The following TONSL variants were observed in gnomAD, a reference collection of about 807,000 sequenced individuals.
The protein encoded by TONSL is tonsoku-like protein.
In TONSL, 112 loss-of-function variants were observed where a neutral mutation model predicts 147.1. That is an observed-to-expected ratio of 0.76 (90% confidence interval 0.65 to 0.89). The LOEUF is 0.89. TONSL is among the 40% of genes least tolerant of loss of function. The probability of loss-of-function intolerance (pLI) is 0.00; values close to 1 mark genes in which losing one functional copy is unlikely to be tolerated. For missense variants in TONSL, 1,883 were observed against 1,864.6 expected (o/e 1.01, Z -0.18); for synonymous variants, 868 against 801.5 (o/e 1.08, Z -1.40).
rs1554878062 is a variant in TONSL, at chr8:144,429,258, C to T, written c.4022G>A (p.Ser1341Asn). Residue 1341 changes from serine (S) to asparagine (N), a missense_variant, in exon 26 of 26, where the codon AGC becomes AAC. Coordinates refer to ENST00000409379, the MANE Select transcript of TONSL (RefSeq NM_013432.5). ...AAQLRELQLC[S>N]RRLCAEDRDA... ...CCTGTCCTCAGCGCAGAGGCGTCTG[C>T]TGCACAGCTGCAGTTCCCGGAGCTG... is the stretch of plus-strand genomic sequence containing the variant. 14 of 1,523,372 alleles carry T rather than the reference C, an allele frequency of 9.2e-6. No homozygotes were observed. Among genetic ancestry groups the T allele is most frequent in the Non-Finnish European group, 1.2e-5 (14 of 1,135,262 alleles). 94.4% of individuals were successfully genotyped at this position (1,523,372 alleles called of 1,614,324 possible).
At chr8:144,433,430 G>A (rs2130842668) in intron 22 of TONSL, 158 bp downstream of exon 22, 1 of 737,890 alleles carries the variant, frequency 1.4e-6, no homozygotes, top group South Asian at 1.8e-5. Context: ...GGCTTTCCTG[G>A]AACTCTTGGC....
In TONSL at chr8:144,434,221, G is replaced by A. The variant is rs569596561; in HGVS notation, c.3144C>T (p.Ser1048=). 159 of 1,556,168 alleles carry A rather than the reference G, an allele frequency of 1.0e-4. No homozygotes were observed. The highest frequency in any genetic ancestry group is 1.3e-4 in the Non-Finnish European group (148 of 1,148,624). Reference sequence around the variant, plus strand: ...CCTGGTCCAGGGCCAGGGAGCAGGCGCTGAACGAGAGGCCCAAGCCCTGGA... The same window carrying A: ...CCTGGTCCAGGGCCAGGGAGCAGGCACTGAACGAGAGGCCCAAGCCCTGGA... ...VELQGLGLSF[S]ACSLALDQAQ... The change falls in exon 21 of 26, where the codon AGC becomes AGT. Residue 1048 remains serine (S), a synonymous_variant. Transcript: ENST00000409379.
rs1301172974 is a variant in TONSL at position 144,432,351 on chromosome 8, G to A, written c.3669C>T (p.Leu1223=). The change falls in exon 23 of 26, where the codon CTC becomes CTT. Residue 1223 remains leucine, a synonymous_variant. Coordinates refer to ENST00000409379, the MANE Select transcript of TONSL (RefSeq NM_013432.5). The part of the protein sequence containing the change: ...LPAGTLLHLE[L]SSVAAGKGDS... Reference sequence around the variant, plus strand: ...CACCCTTGCCGGCTGCCACGGAGCTGAGCTCTAAGTGCAGGAGGGTGCCGG... The same window carrying A: ...CACCCTTGCCGGCTGCCACGGAGCTAAGCTCTAAGTGCAGGAGGGTGCCGG... The A allele has an allele frequency of 1.2e-6, 2 of 1,613,484 alleles. No individual in the cohort carries two copies. Among genetic ancestry groups the A allele is most frequent in the Non-Finnish European group, 8.5e-7 (1 of 1,179,910 alleles).
In TONSL at chr8:144,435,801, G is replaced by C. The variant is rs1282338419; in HGVS notation, c.2632C>G (p.Gln878Glu). 3 of 1,612,750 alleles carry C rather than the reference G, an allele frequency of 1.9e-6. No homozygotes were observed. The highest frequency in any genetic ancestry group is 1.3e-5 in the African/African-American group (1 of 74,922). Reference sequence around the variant, plus strand: ...CTCTGCATGCAGGTCAGGCGGACCTGCTTGGCTCGGGCACGGGGCCTGCTC... The same window carrying C: ...CTCTGCATGCAGGTCAGGCGGACCTCCTTGGCTCGGGCACGGGGCCTGCTC... The part of the protein sequence containing the change: ...EESRPRARAK[Q>E]VRLTCMQSCS... The change falls in exon 17 of 26, where the codon CAG becomes GAG. Residue 878 changes from glutamine (Q) to glutamate (E), a missense_variant. Transcript: ENST00000409379.
chr8:144,430,958 C>T, intron 24 of TONSL, 120 bp downstream of exon 24: 1 of 1,176,366 alleles, frequency 8.5e-7, no homozygotes, highest in South Asian at 1.4e-5. Flanking sequence ...CCGAAGGAGC[C>T]AGGTCTTGGG....
rs764967074 is a variant in TONSL at position 144,442,788 on chromosome 8, T to A, written c.467A>T (p.Glu156Val). Residue 156 changes from glutamate (E) to valine (V), a missense_variant, in exon 5 of 26, where the codon GAG (glutamate) becomes GTG (valine). Transcript: ENST00000409379. ...EELEGTLAQGELNEMRTRLYL... is the reference protein window; with the variant it reads ...EELEGTLAQGVLNEMRTRLYL... ...GAGGCGGGTCCTCATCTCATTCAGC[T>A]CTCCCTGGGCCAGTGTCCCTGGAAG... The A allele has an allele frequency of 3.7e-6, 6 of 1,611,790 alleles. No individual in the cohort carries two copies. The highest frequency in any genetic ancestry group is 5.1e-6 in the Non-Finnish European group (6 of 1,179,606).
At chr8:144,431,251 A>G in intron 23 of TONSL, 100 bp from the exon 24 acceptor site, 1 of 1,083,866 alleles carries the variant, frequency 9.2e-7, no homozygotes, top group Non-Finnish European at 1.4e-6. Flanking sequence ...AGAAGGGAGC[A>G]GAGTCCCCCA....
Position 144,440,775 on chromosome 8 carries a change from A to G in TONSL, c.1107T>C (p.His369=), listed in dbSNP as rs1243348922. 9 of 1,612,852 alleles carry G rather than the reference A, an allele frequency of 5.6e-6. No individual in the cohort carries two copies. Among genetic ancestry groups the G allele is most frequent in the Non-Finnish European group, 7.6e-6 (9 of 1,179,964 alleles). ...CCTCCTCATAGTGGCGCACGGCCCC[A>G]TGGTGGTCCTTCATGTCTCCCAGTG... ...ATTLGDMKDH[H]GAVRHYEEEL... The change falls in exon 9 of 26, where the codon CAT becomes CAC. Residue 369 remains histidine, a synonymous_variant. Transcript: ENST00000409379.
At chr8:144,436,724 C>T (rs539948105) in intron 15 of TONSL, 33 bp downstream of exon 15, 29 of 1,610,816 alleles carry the variant, frequency 1.8e-5, no homozygotes, top group Non-Finnish European at 2.2e-5. Context: ...GCCCCCATAA[C>T]CTCGCCCTTG....
Position 144,432,457 on chromosome 8 carries a change from G to C in TONSL, c.3563C>G (p.Ala1188Gly). The C allele has an allele frequency of 6.5e-7, 1 of 1,536,964 alleles. No individual in the cohort carries two copies. The part of the protein sequence containing the change: ...QTALGSAFQD[A>G]EHLKTLSLSY... ...CAGGGACAGGGTCTTCAGGTGCTCA[G>C]CATCTGCACCGGGGCCAGAATCCGT... Residue 1188 changes from alanine (A) to glycine (G), a missense_variant, in exon 23 of 26, where the codon GCT becomes GGT. Transcript: ENST00000409379.
chr8:144,433,758 C>T lies in TONSL; in HGVS notation c.3389G>A (p.Ser1130Asn). Reference protein sequence around the residue: ...MGLPGQATLQSLEELDLSMNP... With the variant: ...MGLPGQATLQNLEELDLSMNP... ...CATGCTTAAGTCCAGCTCCTCCAAA[C>T]TCTGTGGAAGACACAGGCTGGCAGT... is the stretch of plus-strand genomic sequence containing the variant. The change falls in exon 22 of 26, where the codon AGT (serine) becomes AAT (asparagine). Residue 1130 changes from serine to asparagine, a missense_variant and splice_region_variant. Physicochemically the swap from Ser to Asn is conservative, Grantham distance 46. Coordinates refer to ENST00000409379, the MANE Select transcript of TONSL (RefSeq NM_013432.5). 3 of 1,573,190 alleles carry T rather than the reference C, an allele frequency of 1.9e-6. No homozygotes were observed. The highest frequency in any genetic ancestry group is 1.9e-4 in the Middle Eastern group (1 of 5,346).
Position 144,433,588 on chromosome 8 carries a change from C to G in TONSL, c.3559G>C (p.Asp1187His). ...GACAGGGAGTGCCTGGTCAGCTCAC[C>G]TTGGAAAGCACTACCCAGTGCTGTC... ...HQTALGSAFQ[D>H]AEHLKTLSLS... The change falls in exon 22 of 26, where the codon GAT (aspartate) becomes CAT (histidine). Residue 1187 changes from aspartate to histidine, a missense_variant and splice_region_variant. By Grantham distance (81) the Asp-to-His change is moderately conservative. Coordinates refer to ENST00000409379, the MANE Select transcript of TONSL (RefSeq NM_013432.5). 6.2e-7 allele frequency: 1 copy of G among 1,613,200 alleles called. No individual in the cohort carries two copies. Among genetic ancestry groups the G allele is most frequent in the Non-Finnish European group, 8.5e-7 (1 of 1,179,840 alleles).
At position 144,434,110 on chromosome 8, in the gene TONSL, C is replaced by T. The variant is rs201122937; in HGVS notation, c.3255G>A (p.Lys1085=). The change falls in exon 21 of 26, where the codon AAG becomes AAA. Residue 1085 remains lysine (K), a synonymous_variant. Coordinates refer to ENST00000409379, the MANE Select transcript of TONSL (RefSeq NM_013432.5). ...LRLAGNRLGD[K]CVAELVAALG... is the part of the protein sequence containing the mutation. ...GGGCAGCCACCAGCTCAGCCACACACTTGTCCCCCAGCCGGTTCCCTGCCA... is the reference window on the plus strand; with the variant it reads ...GGGCAGCCACCAGCTCAGCCACACATTTGTCCCCCAGCCGGTTCCCTGCCA... 11 of 1,612,252 alleles carry T rather than the reference C, an allele frequency of 6.8e-6. No homozygotes were observed. Among genetic ancestry groups the T allele is most frequent in the African/African-American group, 5.3e-5 (4 of 75,066 alleles).
rs188362489 is a variant in TONSL at position 144,433,837 on chromosome 8, C to A, written c.3388-78G>T. ...CCCCCTTGGGGCTTGGCTTGGCAGT[C>A]TCTTCCCCACCTTGCCTGGCATAGC... On this transcript the variant is annotated intron_variant, in intron 21 of 25. Coordinates refer to ENST00000409379, the MANE Select transcript of TONSL (RefSeq NM_013432.5). The A allele has an allele frequency of 8.7e-5, 129 of 1,484,260 alleles. No individual in the cohort carries two copies. The African/African-American group carries it at 1.6e-3, about 18-fold the overall frequency. 91.9% of individuals were successfully genotyped at this position (1,484,260 alleles called of 1,614,324 possible).
chr8:144,430,950 G>A (rs938207786), intron 24 of TONSL, 128 bp downstream of exon 24: 69 of 1,115,146 alleles, frequency 6.2e-5, no homozygotes, highest in Admixed American at 1.5e-4. Context: ...GGTGGAAACC[G>A]AAGGAGCCAG....
chr8:144,436,551 T>C lies in TONSL; in HGVS notation c.2014+7A>G, dbSNP rs1564730574. On this transcript the variant is annotated splice_region_variant and intron_variant, in intron 16 of 25. Transcript: ENST00000409379. ...GCAACCCCAGGGACAAGGGACGCCC[T>C]GCTTGCCTTGGCCCGAGGCAGCCGC... The C allele has an allele frequency of 1.2e-6, 2 of 1,609,032 alleles. No homozygotes were observed. The highest frequency in any genetic ancestry group is 2.2e-5 in the East Asian group (1 of 44,864).
At chr8:144,435,624 G>T (rs757722582) in intron 17 of TONSL, 34 bp downstream of exon 17, 2 of 1,582,782 alleles carry the variant, frequency 1.3e-6, no homozygotes, top group Non-Finnish European at 8.6e-7. Flanking sequence ...GCCCGGAGTG[G>T]GGAGAGGGCT....
chr8:144,443,842 G>A, intron 3 of TONSL, 40 bp downstream of exon 3: 1 of 1,539,516 alleles, frequency 6.5e-7, no homozygotes, highest in Non-Finnish European at 8.7e-7. Flanking sequence ...GGGCTCCAGA[G>A]GCCGACCGGG....
At position 144,435,464 on chromosome 8, in the gene TONSL, G is replaced by A. The variant is rs1258567032; in HGVS notation, c.2852+10C>T. ...AGGTGGGCTGCGGGGTAGGGCAGGC[G>A]ATGCCTCACCTGTGTGGGACAGGGA... is the stretch of plus-strand genomic sequence containing the variant. On this transcript the variant is annotated intron_variant, in intron 18 of 25. Coordinates refer to ENST00000409379, the MANE Select transcript of TONSL (RefSeq NM_013432.5). The A allele has an allele frequency of 7.8e-6, 12 of 1,537,140 alleles. No individual in the cohort carries two copies. The East Asian group carries it at 9.8e-5, about 13-fold the overall frequency.
Sources: allele counts gnomAD v4.1 joint callset, GRCh38; gene constraint gnomAD v4.1.1; transcripts MANE v1.5; gene names NCBI Gene and HGNC (gene_info 2026-07-23, HGNC 2026-07-21).